HIP1: variants seen among roughly 807,000 people sequenced by gnomAD.
The protein encoded by HIP1 is huntingtin interacting protein 1, also known as huntingtin-interacting protein 1.
Under a neutral mutation model 147.6 loss-of-function variants are expected in HIP1, and 65 were observed. That is an observed-to-expected ratio of 0.44 (90% CI 0.36 to 0.54). HIP1 has a LOEUF of 0.54. Ranked by LOEUF, HIP1 falls within the 20% of genes least tolerant of loss-of-function variation. The probability of loss-of-function intolerance (pLI) is 0.00; values close to 1 mark genes in which losing one functional copy is unlikely to be tolerated. For missense variants in HIP1, 1,061 were observed against 1,299.6 expected (o/e 0.82, Z 2.82); for synonymous variants, 479 against 504.0 (o/e 0.95, Z 0.67).
chr7:75,729,735 G>A (rs1471421142), intron 1 of HIP1, among the ~76,000 whole-genome samples: 6 of 152,112 alleles, frequency 3.9e-5, no homozygotes, highest in African/African-American at 1.2e-4. Flanking sequence ...GCAGTGAGCC[G>A]AGATCGCGCT....
chr7:75,636,883 G>T (rs807873), intron 1 of HIP1, among the ~76,000 whole-genome samples: 1 of 152,110 alleles, frequency 6.6e-6, no homozygotes, highest in Non-Finnish European at 1.5e-5. Context: ...CAACCATCTC[G>T]ATGTTTCCTG....
chr7:75,573,749 C>T lies in HIP1; in HGVS notation c.745+12G>A, dbSNP rs374891554. On this transcript the variant is annotated intron_variant, in intron 8 of 30. Transcript: ENST00000336926. ...GAATCTCATGTAAGAAGATCTGGCC[C>T]GCGGTACTCACAGGAGTGGAGTTTG... 29 of 1,611,822 alleles carry T rather than the reference C, an allele frequency of 1.8e-5. No homozygotes were observed. Among genetic ancestry groups the T allele is most frequent in the Non-Finnish European group, 2.0e-5 (24 of 1,178,384 alleles).
At chr7:75,602,057 G>A (rs1329667126) in intron 1 of HIP1, among the ~76,000 whole-genome samples, 1 of 149,452 alleles carries the variant, frequency 6.7e-6, no homozygotes, top group Admixed American at 6.7e-5. Flanking sequence ...CTGGAGTGCA[G>A]TGGCATGATC....
chr7:75,678,915 GGTAATA>G (rs1799978825), intron 1 of HIP1, among the ~76,000 whole-genome samples: 1 of 152,178 alleles, frequency 6.6e-6, no homozygotes. Context: ...TAAGCAAGAA[GGTAATA>G]GTAGCCTAAA....
intron 1 of HIP1, among the ~76,000 whole-genome samples, chr7:75,604,281 T>G (rs782437704): frequency 6.6e-6 from 1 of 152,006 alleles, no homozygotes; most frequent in Non-Finnish European, 1.5e-5. Flanking sequence ...CCCAAATCTG[T>G]AAGATGCTGA....
intron 1 of HIP1, among the ~76,000 whole-genome samples, chr7:75,653,567 T>C (rs556175337): frequency 6.6e-6 from 1 of 151,546 alleles, no homozygotes; most frequent in Non-Finnish European, 1.5e-5. Flanking sequence ...GGCAGGAGGA[T>C]CATTTGAGCA....
chr7:75,703,764 C>A (rs1358420689), intron 1 of HIP1, among the ~76,000 whole-genome samples: 1 of 152,116 alleles, frequency 6.6e-6, no homozygotes, highest in Non-Finnish European at 1.5e-5. Flanking sequence ...TAAAGTAGAT[C>A]GATCATTTCA....
chr7:75,729,351 G>A (rs1323209640), intron 1 of HIP1, among the ~76,000 whole-genome samples: 1 of 150,364 alleles, frequency 6.7e-6, no homozygotes. Flanking sequence ...GCTGGGTGTG[G>A]CAGCACATAC....
chr7:75,603,395 G>T (rs587732151), intron 1 of HIP1, among the ~76,000 whole-genome samples: 1 of 150,836 alleles, frequency 6.6e-6, no homozygotes, highest in Non-Finnish European at 1.5e-5. Flanking sequence ...AGACAGTATT[G>T]CCCTACCTTG....
At chr7:75,677,577 C>T (rs1437482810) in intron 1 of HIP1, among the ~76,000 whole-genome samples, 1 of 143,726 alleles carries the variant, frequency 7.0e-6, no homozygotes, top group Non-Finnish European at 1.5e-5. Context: ...TGTGTTCCAG[C>T]CTGGGCAACA....
chr7:75,721,061 A>T (rs1405663432), intron 1 of HIP1, among the ~76,000 whole-genome samples: 1 of 147,240 alleles, frequency 6.8e-6, no homozygotes, highest in Non-Finnish European at 1.5e-5. Flanking sequence ...AAAAGACCTC[A>T]TCTCTATAAA....
chr7:75,664,161 T>C (rs1205893842), intron 1 of HIP1, among the ~76,000 whole-genome samples: 1 of 51,684 alleles, frequency 1.9e-5, no homozygotes, highest in Non-Finnish European at 4.1e-5. Flanking sequence ...TATGTGTGTA[T>C]ATTTACATAC....
intron 9 of HIP1, among the ~76,000 whole-genome samples, chr7:75,566,962 A>T (rs1554495614): frequency 6.6e-6 from 1 of 151,048 alleles, no homozygotes; most frequent in Admixed American, 6.6e-5. Context: ...AAATACAAAA[A>T]TTAGTCGGGC....
chr7:75,582,854 T>G (rs1584831020), intron 5 of HIP1, among the ~76,000 whole-genome samples: 1 of 152,090 alleles, frequency 6.6e-6, no homozygotes, highest in East Asian at 1.9e-4. Flanking sequence ...ACTTTGCTCC[T>G]GGGCTCCATG....
At chr7:75,637,447 C>T (rs1798460442) in intron 1 of HIP1, among the ~76,000 whole-genome samples, 1 of 150,950 alleles carries the variant, frequency 6.6e-6, no homozygotes, top group African/African-American at 2.4e-5. Flanking sequence ...ATAGCCCAGA[C>T]AGATGAGTCT....
intron 1 of HIP1, among the ~76,000 whole-genome samples, chr7:75,606,637 C>T (rs1265089411): frequency 4.0e-5 from 6 of 151,548 alleles, no homozygotes; most frequent in African/African-American, 1.5e-4. Context: ...GCAGCAAGGG[C>T]CACAAGCTGG....
In HIP1 at chr7:75,581,595, G is replaced by A. The variant is rs587623244; in HGVS notation, c.543-297C>T. On this transcript the variant is annotated intron_variant, in intron 6 of 30. Coordinates refer to ENST00000336926, the MANE Select transcript of HIP1 (RefSeq NM_005338.7). ...GGAGTTCAAGACCAGCCTGGCCAAC[G>A]CGGCGAAACCCCATCTCTACTAAAA... is the stretch of plus-strand genomic sequence containing the variant. Among the ~76,000 whole-genome samples, 10 of 152,198 alleles carry A rather than the reference G, an allele frequency of 6.6e-5. No individual in the cohort carries two copies. In the East Asian group the frequency reaches 1.7e-3, roughly 27 times the overall value.
At position 75,670,786 on chromosome 7, in the gene HIP1, CT is replaced by C. The variant is rs782710876; in HGVS notation, c.120+68014del. Among the ~76,000 whole-genome samples, 441 of 122,734 alleles carry C rather than the reference CT, an allele frequency of 3.6e-3. 7 individuals are homozygous for C. Among genetic ancestry groups the C allele is most frequent in the African/African-American group, 5.2e-3 (162 of 31,448 alleles). 80.5% of individuals were successfully genotyped at this position (122,734 alleles called of 152,430 possible). On this transcript the variant is annotated intron_variant, in intron 1 of 30. Transcript: ENST00000336926. ...GCTCACTGTACTCAGCTAATTAAAA[CT>C]TTTTTTTTTTTTTTGGTAGAGATAG...
At position 75,559,759 on chromosome 7, in the gene HIP1, C is replaced by A; in HGVS notation, c.1348G>T (p.Ala450Ser). The change falls in exon 14 of 31, where the codon GCT (alanine) becomes TCT (serine). Residue 450 changes from alanine (A) to serine (S), a missense_variant. Physicochemically the swap from Ala to Ser is moderately conservative, Grantham distance 99 (BLOSUM62 1). Around this residue, in one of 3 missense-constraint regions of HIP1, gnomAD observed 810 missense variants for 946.8 expected, o/e 0.86. Transcript: ENST00000336926. Reference protein sequence around the residue: ...LRRQREDTEKAQRSLSEIERK... With the variant: ...LRRQREDTEKSQRSLSEIERK... ...TCTATCTCAGACAGGCTCCGCTGAG[C>A]CTTCTCGGTGTCCTCCCGCTGCCTC... 2 of 1,545,736 alleles carry A rather than the reference C, an allele frequency of 1.3e-6. No homozygotes were observed. Among genetic ancestry groups the A allele is most frequent in the Non-Finnish European group, 1.7e-6 (2 of 1,143,696 alleles).
Sources: allele counts gnomAD v4.1 joint callset (sites outside exome capture counted in the v4.1 genomes callset), GRCh38; gene constraint gnomAD v4.1.1; regional missense constraint gnomAD v4.1.1; transcripts MANE v1.5; gene names NCBI Gene and HGNC (gene_info 2026-07-23, HGNC 2026-07-21).